DCLK3: variants seen among roughly 807,000 people sequenced by gnomAD.
DCLK3 encodes serine/threonine-protein kinase DCLK3.
Under a neutral mutation model 46.4 loss-of-function variants are expected in DCLK3, and 30 were observed. That is an observed-to-expected ratio of 0.65 (90% CI 0.48 to 0.88). The LOEUF (loss-of-function observed/expected upper bound fraction) is 0.88. Among genes scored for constraint, DCLK3 ranks in the 40% least tolerant of loss-of-function variants. The pLI is 0.00. For missense variants in DCLK3, 846 were observed against 907.1 expected (o/e 0.93, Z 0.87); for synonymous variants, 401 against 339.2 (o/e 1.18, Z -2.00).
chr3:36,716,621 C>T (rs1362744134), intron 4 of DCLK3, among the ~76,000 whole-genome samples: 2 of 152,374 alleles, frequency 1.3e-5, no homozygotes, highest in East Asian at 1.9e-4. Flanking sequence ...GATGGCCACT[C>T]CTTGGCCACT....
chr3:36,719,993 A>C (rs151246976), intron 3 of DCLK3, among the ~76,000 whole-genome samples: 65 of 152,280 alleles, frequency 4.3e-4, no homozygotes, highest in Non-Finnish European at 8.4e-4. Context: ...CAACCTACCC[A>C]ACTGATACGG....
intron 2 of DCLK3, among the ~76,000 whole-genome samples, chr3:36,733,209 C>T: frequency 6.6e-6 from 1 of 152,210 alleles, no homozygotes; most frequent in Non-Finnish European, 1.5e-5. Context: ...TCTCTGCTCC[C>T]AGCACTCCAG....
In DCLK3 at chr3:36,734,703, C is replaced by T. The variant is rs144671576; in HGVS notation, c.1959+2505G>A. Among the ~76,000 whole-genome samples the T allele has an allele frequency of 3.4e-4, 51 of 152,180 alleles. No individual in the cohort carries two copies. In the East Asian group the frequency reaches 9.1e-3, roughly 27 times the overall value. On this transcript the variant is annotated intron_variant, in intron 2 of 4. Coordinates refer to ENST00000636136, the MANE Select transcript of DCLK3 (RefSeq NM_001394672.2). The stretch of plus-strand genomic sequence containing the variant: ...AACCACTCTGTAGTTTGCCTTCTCT[C>T]CCTCTCTTTCTCTCTCTGTCTCTCT...
intron 2 of DCLK3, among the ~76,000 whole-genome samples, chr3:36,728,963 G>T (rs2125525794): frequency 6.6e-6 from 1 of 152,228 alleles, no homozygotes; most frequent in African/African-American, 2.4e-5. Flanking sequence ...GCTCTCAGCT[G>T]CCCCAGAGCC....
intron 2 of DCLK3, among the ~76,000 whole-genome samples, chr3:36,728,451 T>C (rs1348345795): frequency 6.6e-6 from 1 of 152,084 alleles, no homozygotes; most frequent in Non-Finnish European, 1.5e-5. Context: ...CTGCCCTCAA[T>C]ATGGATGAGC....
intron 1 of DCLK3, among the ~76,000 whole-genome samples, chr3:36,752,758 C>T (rs1433614529): frequency 1.3e-5 from 2 of 152,162 alleles, no homozygotes; most frequent in Admixed American, 6.5e-5. Context: ...CACATATCAC[C>T]ATTGATATGA....
chr3:36,735,862 G>C (rs139424702), intron 2 of DCLK3, among the ~76,000 whole-genome samples: 2 of 152,160 alleles, frequency 1.3e-5, no homozygotes, highest in East Asian at 3.8e-4. Context: ...ATTAAATGTC[G>C]ACCAAGTGAC....
At chr3:36,742,203 G>C (rs17250983) in intron 1 of DCLK3, among the ~76,000 whole-genome samples, 1,788 of 152,284 alleles carry the variant, frequency 0.012, 19 homozygotes, top group Non-Finnish European at 0.014. Context: ...GTGGCCTCAA[G>C]TTCCCAAACA....
Position 36,738,845 on chromosome 3 carries a change from G to T in DCLK3, c.322C>A (p.Arg108=). Residue 108 remains arginine (R), a synonymous_variant, in exon 2 of 5, where the codon CGA becomes AGA. Coordinates refer to ENST00000636136, the MANE Select transcript of DCLK3 (RefSeq NM_001394672.2). The stretch of plus-strand genomic sequence containing the variant: ...CTGTTGAGGAGCAGAGTGATCTTTC[G>T]GGGGCGCTGCCCACCCAGCTTCACT... The part of the protein sequence containing the change: ...TVVKLGGQRP[R]KITLLLNRRS... 1 of 693,666 alleles carries T rather than the reference G, an allele frequency of 1.4e-6. No individual in the cohort carries two copies. The highest frequency in any genetic ancestry group is 2.1e-6 in the Non-Finnish European group (1 of 487,544). 43.0% of individuals were successfully genotyped at this position (693,666 alleles called of 1,614,324 possible).
At chr3:36,739,955 T>C (rs1193554079) in intron 1 of DCLK3, 2 of 152,156 alleles carry the variant, frequency 1.3e-5, no homozygotes, top group African/African-American at 4.8e-5. Context: ...AACCCAATCT[T>C]ACCCATCTCT....
At chr3:36,739,867 C>T (rs1701325801) in intron 1 of DCLK3, 1 of 152,198 alleles carries the variant, frequency 6.6e-6, no homozygotes, top group African/African-American at 2.4e-5. Context: ...GAGTCAGGAA[C>T]ATTCTAGAAC....
chr3:36,760,922 G>A (rs890264154), intron 1 of DCLK3, among the ~76,000 whole-genome samples: 1 of 152,178 alleles, frequency 6.6e-6, no homozygotes, highest in Admixed American at 6.5e-5. Flanking sequence ...TAAGGAAACC[G>A]AGGCTCAGAG....
chr3:36,748,971 AC>A (rs1701416352), intron 1 of DCLK3, among the ~76,000 whole-genome samples: 1 of 151,922 alleles, frequency 6.6e-6, no homozygotes, highest in Admixed American at 6.5e-5. Context: ...GTTGGCTTTG[AC>A]CAGACCTCCC....
At chr3:36,735,336 T>C (rs972513870) in intron 2 of DCLK3, among the ~76,000 whole-genome samples, 2 of 152,158 alleles carry the variant, frequency 1.3e-5, no homozygotes, top group Admixed American at 6.5e-5. Context: ...ATCCAGCTAA[T>C]GCAAAAAATG....
Position 36,726,147 on chromosome 3 carries a change from A to C in DCLK3, c.1960-4488T>G, listed in dbSNP as rs554452486. On this transcript the variant is annotated intron_variant, in intron 2 of 4. Transcript: ENST00000636136. ...CGCAAACCCAGCATATCTTGCAGCA[A>C]GTAAAAGATGCATCGGTGCCGCCTG... 3.9e-5 allele frequency among the ~76,000 whole-genome samples: 6 copies of C among 152,286 alleles called. No individual in the cohort carries two copies. In the South Asian group the frequency reaches 1.2e-3, roughly 32 times the overall value.
Position 36,757,409 on chromosome 3 carries a change from T to C in DCLK3, c.82+6773A>G, listed in dbSNP as rs866254680. On this transcript the variant is annotated intron_variant, in intron 1 of 4. Transcript: ENST00000636136. The stretch of plus-strand genomic sequence containing the variant: ...AAGGCAGAAAACTAATCTCACATTA[T>C]ATGGCATGACAGCTTCTAGCTCAGA... Among the ~76,000 whole-genome samples, 3 of 152,238 alleles carry C rather than the reference T, an allele frequency of 2.0e-5. No homozygotes were observed. In the South Asian group the frequency reaches 6.2e-4, roughly 31 times the overall value.
chr3:36,722,214 T>C (rs1701069731), intron 2 of DCLK3, among the ~76,000 whole-genome samples: 1 of 151,500 alleles, frequency 6.6e-6, no homozygotes, highest in Non-Finnish European at 1.5e-5. Context: ...GGGGCAGGGG[T>C]GAGGGGGAGA....
intron 3 of DCLK3, among the ~76,000 whole-genome samples, chr3:36,720,027 T>A (rs1701035930): frequency 6.6e-6 from 1 of 152,200 alleles, no homozygotes; most frequent in African/African-American, 2.4e-5. Context: ...CCCCTCCAAA[T>A]CTCATGTTGA....
intron 1 of DCLK3, among the ~76,000 whole-genome samples, chr3:36,746,464 C>G (rs17035529): frequency 6.6e-6 from 1 of 152,190 alleles, no homozygotes; most frequent in East Asian, 1.9e-4. Flanking sequence ...CCTGACCACA[C>G]GATAATCCTC....
Sources: gnomAD v4.1 joint callset for allele counts (sites outside exome capture counted in the v4.1 genomes callset) on GRCh38, gnomAD v4.1.1 for gene constraint, MANE v1.5 for transcripts, NCBI Gene and HGNC (gene_info 2026-07-23, HGNC 2026-07-21) for gene names.